The following UBXN11 variants were observed in gnomAD, a reference collection of about 807,000 sequenced individuals.
UBXN11 encodes the protein UBX domain protein 11.
In UBXN11, 47 loss-of-function variants were observed where a neutral mutation model predicts 62.8. The ratio of observed to expected loss-of-function variants is 0.75; its 90% CI spans 0.59 to 0.95. The LOEUF is 0.95. UBXN11 is among the 40% of genes least tolerant of loss of function. UBXN11 has a pLI of 0.00. For synonymous variants in UBXN11, 294 were observed against 267.0 expected (o/e 1.10, Z -0.99); for missense variants, 638 against 661.7 (o/e 0.96, Z 0.39).
chr1:26,284,218 A>G lies in UBXN11; in HGVS notation c.1001T>C (p.Leu334Pro). The G allele has an allele frequency of 6.2e-7, 1 of 1,612,978 alleles. No homozygotes were observed. The highest frequency in any genetic ancestry group is 1.1e-5 in the South Asian group (1 of 90,916). The change falls in exon 12 of 15, where the codon CTG becomes CCG. Residue 334 changes from leucine (L) to proline (P), a missense_variant. Transcript: ENST00000374222. The stretch of plus-strand genomic sequence containing the variant: ...GATCACAAACTTGGGGAGCCTGTTC[A>G]GAAATTTCTCAGCAGTCATCCTGGA... Reference protein sequence around the residue: ...PGSRMTAEKFLNRLPKFVIRQ... With the variant: ...PGSRMTAEKFPNRLPKFVIRQ...
chr1:26,296,659 G>A (rs1236700862), intron 7 of UBXN11, among the ~76,000 whole-genome samples: 1 of 152,204 alleles, frequency 6.6e-6, no homozygotes, highest in East Asian at 1.9e-4. Context: ...TCAGTTCAGT[G>A]GGAGCCATGA....
chr1:26,316,491 G>T (rs1023009402), intron 1 of UBXN11, among the ~76,000 whole-genome samples: 3 of 151,934 alleles, frequency 2.0e-5, no homozygotes, highest in African/African-American at 7.3e-5. Flanking sequence ...TGTAGGGGAG[G>T]GGGAGGGAGT....
chr1:26,313,767 A>C (rs1570148755), intron 1 of UBXN11, among the ~76,000 whole-genome samples: 2 of 146,358 alleles, frequency 1.4e-5, no homozygotes, highest in Admixed American at 7.0e-5. Context: ...TTGGTTCTTT[A>C]CTATAATTTT....
Position 26,301,657 on chromosome 1 carries a change from G to T in UBXN11, c.100+37C>A, listed in dbSNP as rs375713201. On this transcript the variant is annotated intron_variant, in intron 3 of 14. Coordinates refer to ENST00000374222, the MANE Select transcript of UBXN11 (RefSeq NM_001389556.1). ...CCAACTGTAGGAGGTGCAAGCACAT[G>T]AGAGGCGAAGAGGGCACGAGGGCGG... is the stretch of plus-strand genomic sequence containing the variant. 4.9e-5 allele frequency: 79 copies of T among 1,611,852 alleles called. No individual in the cohort carries two copies. The African/African-American group carries it at 1.0e-3, about 20-fold the overall frequency.
At chr1:26,297,019 C>T (rs1194251827) in intron 6 of UBXN11, 24 bp from the exon 7 acceptor site, 1 of 1,585,062 alleles carries the variant, frequency 6.3e-7, no homozygotes. Context: ...CAGGGACAGG[C>T]TTCAGCTGCC....
intron 1 of UBXN11, among the ~76,000 whole-genome samples, chr1:26,312,009 C>A (rs12089149): frequency 0.16 from 24,364 of 152,118 alleles, 2,048 homozygotes; most frequent in Middle Eastern, 0.21. Flanking sequence ...ATATTTAGAG[C>A]CCTCCTATTT....
At chr1:26,286,541 G>A (rs2073138227) in intron 8 of UBXN11, among the ~76,000 whole-genome samples, 1 of 152,212 alleles carries the variant, frequency 6.6e-6, no homozygotes, top group Admixed American at 6.5e-5. Flanking sequence ...TAGAATGGAT[G>A]ACAGTAGTAT....
At position 26,282,416 on chromosome 1, in the gene UBXN11, A is replaced by C. The variant is rs374443118; in HGVS notation, c.1446T>G (p.Ser482Arg). ...GACCGGGACCGGGACAGGGACCAGG[A>C]CTGAATTTCAGGCTGGACTTCGGGG... ...RRAPKSSLKF[S>R]PGPCPGPGPG... Residue 482 changes from serine (S) to arginine (R), a missense_variant, in exon 15 of 15, where the codon AGT becomes AGG. Transcript: ENST00000374222. The C allele has an allele frequency of 1.9e-6, 3 of 1,610,388 alleles. No individual in the cohort carries two copies. The highest frequency in any genetic ancestry group is 1.3e-5 in the African/African-American group (1 of 74,638).
chr1:26,302,059 T>C (rs2073550070), intron 2 of UBXN11, among the ~76,000 whole-genome samples: 1 of 152,184 alleles, frequency 6.6e-6, no homozygotes, highest in East Asian at 1.9e-4. Context: ...CCTCTCTGAA[T>C]CTTCTAGGCC....
chr1:26,284,900 A>C, intron 10 of UBXN11: 3 of 1,002,506 alleles, frequency 3.0e-6, no homozygotes, highest in Non-Finnish European at 1.2e-6. Flanking sequence ...TGCCTTAAAC[A>C]CCCCCGCGTC....
chr1:26,313,731 A>G (rs2073765181), intron 1 of UBXN11, among the ~76,000 whole-genome samples: 1 of 149,984 alleles, frequency 6.7e-6, no homozygotes, highest in Admixed American at 6.6e-5. Flanking sequence ...TTTTATTACC[A>G]TATTTCTCAG....
rs773631042 is a variant in UBXN11, at chr1:26,286,024, C to T, written c.573G>A (p.Ala191=). 6.9e-6 allele frequency: 11 copies of T among 1,603,416 alleles called. No individual in the cohort carries two copies. Among genetic ancestry groups the T allele is most frequent in the African/African-American group, 2.7e-5 (2 of 74,698 alleles). Residue 191 remains alanine (A), a synonymous_variant, in exon 9 of 15, where the codon GCG becomes GCA. Transcript: ENST00000374222. ...GCCTGTCAAAGTCCACCTCAGGGGG[C>T]GCCAATGAGTCCCCTGGCAAAGAGG... ...KKFWKPGDSL[A]PPEVDFDRLL...
rs1557686937 is a variant in UBXN11, at chr1:26,297,979, C to T, written c.283G>A (p.Asp95Asn). The change falls in exon 5 of 15, where the codon GAT (aspartate) becomes AAT (asparagine). Residue 95 changes from aspartate (D) to asparagine (N), a missense_variant. Transcript: ENST00000374222. Reference protein sequence around the residue: ...DLEQQVKAQTDEILSKDQKIA... With the variant: ...DLEQQVKAQTNEILSKDQKIA... Reference sequence around the variant, plus strand: ...AGCCCCACCTTGGACAGTATCTCATCAGTCTGGGCCTTCACCTGCTGCTCC... The same window carrying T: ...AGCCCCACCTTGGACAGTATCTCATTAGTCTGGGCCTTCACCTGCTGCTCC... 1 of 1,613,890 alleles carries T rather than the reference C, an allele frequency of 6.2e-7. No individual in the cohort carries two copies. The highest frequency in any genetic ancestry group is 1.3e-5 in the African/African-American group (1 of 75,068).
In UBXN11 at chr1:26,285,699, CGT is replaced by C. The variant is rs1245727956; in HGVS notation, c.774+122_774+123del. ...CCTTGGGAGAGGGGCCTCTGCAAGT[CGT>C]GTGTGGGCCTGGGTGCCCCGTGGAG... is the stretch of plus-strand genomic sequence containing the variant. On this transcript the variant is annotated intron_variant, in intron 9 of 14. Transcript: ENST00000374222. 5.2e-5 allele frequency: 72 copies of C among 1,393,372 alleles called. 1 individual carries two copies. In the East Asian group the frequency reaches 1.7e-3, roughly 33 times the overall value. The allele number at this position is 1,393,372 out of a possible 1,614,324, so 86.3% of individuals were successfully genotyped here. A position where few individuals can be genotyped will look rare whatever the true frequency, so the allele number is the denominator to read the frequency against.
At chr1:26,313,150 A>C (rs1352163389) in intron 1 of UBXN11, among the ~76,000 whole-genome samples, 1 of 152,028 alleles carries the variant, frequency 6.6e-6, no homozygotes, top group East Asian at 1.9e-4. Context: ...GGCGGATCAC[A>C]CTGTGACGTG....
rs375383675 is a variant in UBXN11, at chr1:26,285,532, G to T, written c.784C>A (p.Arg262=). 8.3e-5 allele frequency: 132 copies of T among 1,587,682 alleles called. No individual in the cohort carries two copies. The highest frequency in any genetic ancestry group is 5.3e-4 in the Middle Eastern group (3 of 5,670). The change falls in exon 10 of 15, where the codon CGA becomes AGA. Residue 262 remains arginine, a synonymous_variant. Transcript: ENST00000374222. ...GGAAAGAAGCCATCCAATATGTCTC[G>T]GAGGCAGCGCTGCAAGGGAAGAGGA... ...FYDPSTQRCL[R]DILDGFFPSE... is the part of the protein sequence containing the mutation.
intron 12 of UBXN11, among the ~76,000 whole-genome samples, chr1:26,283,594 GAC>G: frequency 6.6e-6 from 1 of 152,300 alleles, no homozygotes; most frequent in South Asian, 2.1e-4. Flanking sequence ...GTCTGGGAGA[GAC>G]ACTCTGAACC....
upstream of UBXN11, among the ~76,000 whole-genome samples, chr1:26,308,265 C>CAAAA (rs112792329): frequency 2.6e-5 from 2 of 78,398 alleles, no homozygotes; most frequent in Admixed American, 1.4e-4. Flanking sequence ...GAAACTCTGT[C>CAAAA]AAAAAAAAAA....
chr1:26,308,138 T>C (rs143282700), upstream of UBXN11, among the ~76,000 whole-genome samples: 1,034 of 151,914 alleles, frequency 6.8e-3, 14 homozygotes, highest in African/African-American at 0.024. Context: ...TGATGGCGCA[T>C]GCCTGTAATC....
Sources: allele counts gnomAD v4.1 joint callset (sites outside exome capture counted in the v4.1 genomes callset), GRCh38; gene constraint gnomAD v4.1.1; transcripts MANE v1.5; gene names NCBI Gene and HGNC (gene_info 2026-07-23, HGNC 2026-07-21).